Variants in CREBBP observed in about 807,000 individuals in gnomAD.
CREBBP encodes the protein CREB-binding protein.
Under a neutral mutation model 265.0 loss-of-function variants are expected in CREBBP, and 19 were observed. The observed-to-expected ratio is 0.07, with a 90% CI of 0.05 to 0.11. The LOEUF is 0.11. Ranked by LOEUF, CREBBP falls within the 10% of genes least tolerant of loss-of-function variation. CREBBP has a pLI of 1.00. For missense variants in CREBBP, 2,525 were observed against 3,219.0 expected (o/e 0.78, Z 5.22); for synonymous variants, 1,457 against 1,223.7 (o/e 1.19, Z -3.98).
At chr16:3,764,789 C>T (rs563915639) in intron 16 of CREBBP, among the ~76,000 whole-genome samples, 8 of 151,942 alleles carry the variant, frequency 5.3e-5, no homozygotes, top group Non-Finnish European at 1.2e-4. Flanking sequence ...TACTATGTTG[C>T]CCAGGCTAGT....
At chr16:3,768,544 A>T (rs560552865) in intron 15 of CREBBP, among the ~76,000 whole-genome samples, 1 of 152,178 alleles carries the variant, frequency 6.6e-6, no homozygotes, top group Non-Finnish European at 1.5e-5. Flanking sequence ...AATCTCCTTG[A>T]AAGTTGGGGC....
At chr16:3,758,722 C>A in intron 17 of CREBBP, 132 bp downstream of exon 17, 1 of 778,120 alleles carries the variant, frequency 1.3e-6, no homozygotes, top group Non-Finnish European at 2.2e-6. Context: ...TGTTAACAGA[C>A]AACAGTTTTT....
chr16:3,751,650 T>C (rs769828849), intron 20 of CREBBP, 76 bp downstream of exon 20: 44 of 1,413,276 alleles, frequency 3.1e-5, no homozygotes, highest in Non-Finnish European at 4.0e-5. Context: ...ACCTTCCTTA[T>C]AGTCATTGGT....
intron 19 of CREBBP, among the ~76,000 whole-genome samples, chr16:3,755,816 C>T (rs768979953): frequency 2.0e-5 from 3 of 152,162 alleles, no homozygotes; most frequent in Non-Finnish European, 4.4e-5. Context: ...CAATTGCACA[C>T]GCTGCACTTC....
At chr16:3,823,964 ACAC>A (rs1280066929) in intron 2 of CREBBP, among the ~76,000 whole-genome samples, 1 of 138,002 alleles carries the variant, frequency 7.2e-6, no homozygotes, top group Non-Finnish European at 1.6e-5. Context: ...GGCAACACAC[ACAC>A]ACACACACAC....
intron 3 of CREBBP, among the ~76,000 whole-genome samples, chr16:3,802,951 G>C (rs375905429): frequency 2.0e-5 from 3 of 152,008 alleles, no homozygotes; most frequent in Non-Finnish European, 4.4e-5. Flanking sequence ...CACTTGCTCA[G>C]GTTCCCTCAT....
At position 3,850,940 on chromosome 16, in the gene CREBBP, C is replaced by T; in HGVS notation, c.155G>A (p.Gly52Asp). ...DELIPNGGEL[G>D]LLNSGNLVPD... Reference sequence around the variant, plus strand: ...AACAAGGTTCCCACTGTTTAAAAGGCCTAATTCTCCTCCATTGGGTATCAG... The same window carrying T: ...AACAAGGTTCCCACTGTTTAAAAGGTCTAATTCTCCTCCATTGGGTATCAG... The change falls in exon 2 of 31, where the codon GGC becomes GAC. Residue 52 changes from glycine to aspartate, a missense_variant. Transcript: ENST00000262367. 6.2e-7 allele frequency: 1 copy of T among 1,614,178 alleles called. No individual in the cohort carries two copies. Among genetic ancestry groups the T allele is most frequent in the Non-Finnish European group, 8.5e-7 (1 of 1,180,040 alleles).
At chr16:3,852,808 T>C (rs2141508492) in intron 1 of CREBBP, among the ~76,000 whole-genome samples, 1 of 152,238 alleles carries the variant, frequency 6.6e-6, no homozygotes, top group Non-Finnish European at 1.5e-5. Context: ...CTTTTTCTGG[T>C]CCCTTTCAAA....
Position 3,850,361 on chromosome 16 carries a change from T to C in CREBBP, c.734A>G (p.Gln245Arg). 1 of 1,614,228 alleles carries C rather than the reference T, an allele frequency of 6.2e-7. No homozygotes were observed. The highest frequency in any genetic ancestry group is 8.5e-7 in the Non-Finnish European group (1 of 1,180,040). The change falls in exon 2 of 31, where the codon CAG (glutamine) becomes CGG (arginine). Residue 245 changes from glutamine to arginine, a missense_variant. Transcript: ENST00000262367. Reference sequence around the variant, plus strand: ...GTGACCAGTCATTTGCGGGGAAACCTGCGTTAGGGTCTCAGCCAGCACGCT... The same window carrying C: ...GTGACCAGTCATTTGCGGGGAAACCCGCGTTAGGGTCTCAGCCAGCACGCT... ...SSSVLAETLT[Q>R]VSPQMTGHAG...
chr16:3,758,186 A>C, intron 17 of CREBBP, 138 bp from the exon 18 acceptor site: 2 of 907,134 alleles, frequency 2.2e-6, no homozygotes, highest in Non-Finnish European at 3.3e-6. Context: ...AGAAATAGGA[A>C]ATGAAAAGAA....
intron 2 of CREBBP, among the ~76,000 whole-genome samples, chr16:3,819,936 T>G (rs574593904): frequency 6.6e-6 from 1 of 152,334 alleles, no homozygotes; most frequent in South Asian, 2.1e-4. Flanking sequence ...CCATTTGATG[T>G]GGCTTCAGCC....
intron 1 of CREBBP, among the ~76,000 whole-genome samples, chr16:3,853,939 AAAACAAACAAAC>A (rs550524407): frequency 9.2e-5 from 14 of 151,550 alleles, no homozygotes; most frequent in South Asian, 8.3e-4. Context: ...CTCCGTCTCA[AAAACAAACAAAC>A]AAACAAACAA....
chr16:3,792,771 T>G (rs2141283050), intron 4 of CREBBP, among the ~76,000 whole-genome samples: 1 of 152,314 alleles, frequency 6.6e-6, no homozygotes, highest in Non-Finnish European at 1.5e-5. Flanking sequence ...CAGCTGTTAA[T>G]AAGAAACACT....
chr16:3,727,614 C>T lies in CREBBP; in HGVS notation c.*104G>A, dbSNP rs142933739. On this transcript the variant is annotated 3_prime_UTR_variant, in exon 31 of 31. Transcript: ENST00000262367. ...AACATCAATCCACCCTTCCATGGCT[C>T]GGAAGTCGCAGTTCCATCTAGGAAT... 1.2e-3 allele frequency: 1,980 copies of T among 1,593,468 alleles called. 3 individuals carry two copies. The highest frequency in any genetic ancestry group is 4.2e-3 in the Middle Eastern group (25 of 5,968).
intron 2 of CREBBP, among the ~76,000 whole-genome samples, chr16:3,841,462 G>C (rs983925942): frequency 1.3e-5 from 2 of 151,838 alleles, no homozygotes; most frequent in African/African-American, 4.9e-5. Flanking sequence ...GTATATAAGA[G>C]AATCAATTTT....
chr16:3,778,962 T>C (rs375611206), intron 8 of CREBBP, 145 bp from the exon 9 acceptor site: 2 of 651,768 alleles, frequency 3.1e-6, no homozygotes, highest in East Asian at 6.6e-5. Context: ...AGGTCAGCAG[T>C]TTGAGATCTG....
intron 2 of CREBBP, among the ~76,000 whole-genome samples, chr16:3,841,474 T>TA (rs142672189): frequency 0.015 from 2,236 of 151,852 alleles, 59 homozygotes; most frequent in African/African-American, 0.052. Flanking sequence ...ATCAATTTTT[T>TA]AAAAAAAATC....
At chr16:3,771,655 A>C (rs2053012026) in intron 13 of CREBBP, among the ~76,000 whole-genome samples, 1 of 152,026 alleles carries the variant, frequency 6.6e-6, no homozygotes, top group South Asian at 2.1e-4. Flanking sequence ...TGGATCTGAC[A>C]ACCAAGGTGG....
At chr16:3,769,416 G>A (rs1030437028) in intron 14 of CREBBP, 63 bp from the exon 15 acceptor site, 6 of 1,581,570 alleles carry the variant, frequency 3.8e-6, no homozygotes, top group Non-Finnish European at 3.5e-6. Flanking sequence ...CTTCAACTAT[G>A]CTGCTCATGC....
Sources: allele counts gnomAD v4.1 joint callset (sites outside exome capture counted in the v4.1 genomes callset), GRCh38; gene constraint gnomAD v4.1.1; transcripts MANE v1.5; gene names NCBI Gene and HGNC (gene_info 2026-07-23, HGNC 2026-07-21).